SMCO4: variants seen among roughly 807,000 people sequenced by gnomAD.
SMCO4 encodes the protein single-pass membrane and coiled-coil domain-containing protein 4.
SMCO4 carries 4 observed loss-of-function variants against 3.6 expected under a neutral mutation model. That is an observed-to-expected ratio of 1.11 (90% CI 0.54 to 2.53). The LOEUF is 2.53. Ranked by LOEUF, SMCO4 falls within the 30% of genes most tolerant of loss-of-function variation. The probability of loss-of-function intolerance (pLI) is 0.02; values close to 1 mark genes in which losing one functional copy is unlikely to be tolerated. For synonymous variants in SMCO4, 36 were observed against 35.3 expected (o/e 1.02, Z -0.07); for missense variants, 70 against 80.8 (o/e 0.87, Z 0.51).
intron 1 of SMCO4, chr11:93,535,817 A>G: frequency 2.5e-6 from 4 of 1,583,716 alleles, no homozygotes; most frequent in Non-Finnish European, 3.4e-6. Flanking sequence ...ACAGCAGCAC[A>G]GTAAAGGACA....
chr11:93,517,852 G>A (rs561797733), intron 1 of SMCO4, among the ~76,000 whole-genome samples: 1 of 152,334 alleles, frequency 6.6e-6, no homozygotes, highest in South Asian at 2.1e-4. Context: ...CCGCATTGAA[G>A]TACCCTGCTA....
intron 1 of SMCO4, among the ~76,000 whole-genome samples, chr11:93,531,594 T>C (rs1310187672): frequency 6.6e-6 from 1 of 152,234 alleles, no homozygotes; most frequent in East Asian, 1.9e-4. Flanking sequence ...TGCAGAACTC[T>C]AACACAATGA....
At chr11:93,486,347 T>C (rs1490567519) in intron 2 of SMCO4, among the ~76,000 whole-genome samples, 1 of 152,150 alleles carries the variant, frequency 6.6e-6, no homozygotes, top group East Asian at 1.9e-4. Context: ...CTACAAGGCA[T>C]GTGGACCAAT....
rs576465209 is a variant in SMCO4, at chr11:93,522,095, A to G, written c.-154+21181T>C. On this transcript the variant is annotated intron_variant, in intron 1 of 2. Transcript: ENST00000298966. ...TAGCCCCTTTTTGGCACAAACTTTA[A>G]AACAAAACAAAAACAAAATGTCAGG... Among the ~76,000 whole-genome samples the G allele has an allele frequency of 2.6e-4, 15 of 58,018 alleles. No individual in the cohort carries two copies. In the East Asian group the frequency reaches 7.5e-3, roughly 29 times the overall value. The allele number at this position is 58,018 out of a possible 152,430, so 38.1% of individuals were successfully genotyped here.
intron 1 of SMCO4, among the ~76,000 whole-genome samples, chr11:93,523,540 T>A (rs1949079027): frequency 6.6e-6 from 1 of 152,046 alleles, no homozygotes; most frequent in Admixed American, 6.6e-5. Flanking sequence ...ATGCCTGTAG[T>A]CCCAGCTATT....
chr11:93,515,119 A>G (rs1012870137), intron 1 of SMCO4, among the ~76,000 whole-genome samples: 2 of 152,170 alleles, frequency 1.3e-5, no homozygotes, highest in Non-Finnish European at 2.9e-5. Context: ...CAACTCAGAG[A>G]AAGCTTTTTT....
Position 93,512,893 on chromosome 11 carries a change from C to T in SMCO4, c.-153-13545G>A, listed in dbSNP as rs536324283. ...ACTATGGGAGCAGGTCATGAAGGGG[C>T]CTAACTAAGTCTGAAAGGCCAAAGG... On this transcript the variant is annotated intron_variant, in intron 1 of 2. Transcript: ENST00000298966. 7.2e-5 allele frequency among the ~76,000 whole-genome samples: 11 copies of T among 152,186 alleles called. No homozygotes were observed. In the South Asian group the frequency reaches 1.5e-3, roughly 20 times the overall value.
chr11:93,493,074 G>C (rs759954145), intron 2 of SMCO4, among the ~76,000 whole-genome samples: 4 of 152,146 alleles, frequency 2.6e-5, no homozygotes, highest in African/African-American at 9.7e-5. Context: ...ATAAATATTT[G>C]ATCTTTAATT....
upstream of SMCO4, among the ~76,000 whole-genome samples, chr11:93,545,837 G>A (rs751370080): frequency 2.6e-5 from 4 of 152,168 alleles, no homozygotes; most frequent in African/African-American, 9.7e-5. Flanking sequence ...ACAAGCAGGG[G>A]CTTTCGATGT....
chr11:93,534,588 C>T (rs546140211), intron 1 of SMCO4, among the ~76,000 whole-genome samples: 1 of 152,298 alleles, frequency 6.6e-6, no homozygotes, highest in East Asian at 1.9e-4. Flanking sequence ...AAAATAGCTG[C>T]TCAAGGCACA....
intron 2 of SMCO4, among the ~76,000 whole-genome samples, chr11:93,497,028 G>A (rs1207562407): frequency 6.6e-6 from 1 of 152,142 alleles, no homozygotes; most frequent in Non-Finnish European, 1.5e-5. Context: ...ACCAGAGATG[G>A]TGGCCTGTTT....
chr11:93,492,737 G>A (rs577978517), intron 2 of SMCO4, among the ~76,000 whole-genome samples: 1 of 152,314 alleles, frequency 6.6e-6, no homozygotes, highest in East Asian at 1.9e-4. Flanking sequence ...AGGGGCCAGG[G>A]CGACCAGAGC....
chr11:93,492,524 A>G (rs1172814108), intron 2 of SMCO4, among the ~76,000 whole-genome samples: 1 of 152,210 alleles, frequency 6.6e-6, no homozygotes, highest in Non-Finnish European at 1.5e-5. Flanking sequence ...GAAGAAAGAC[A>G]AAAGAGTGTA....
chr11:93,487,405 G>A (rs1230542523), intron 2 of SMCO4, among the ~76,000 whole-genome samples: 1 of 152,200 alleles, frequency 6.6e-6, no homozygotes, highest in African/African-American at 2.4e-5. Context: ...AGGCCACAGG[G>A]GTCAGGAAAG....
intron 1 of SMCO4, 142 bp downstream of exon 1, chr11:93,543,134 T>C (rs1230837220): frequency 6.7e-6 from 1 of 150,058 alleles, no homozygotes; most frequent in Non-Finnish European, 1.5e-5. Flanking sequence ...TCAGCAGCAC[T>C]GCGCGGAGGC....
At chr11:93,535,813 G>A in intron 1 of SMCO4, 2 of 1,613,992 alleles carry the variant, frequency 1.2e-6, no homozygotes, top group East Asian at 2.2e-5. Context: ...AGCAACAGCA[G>A]CACAGTAAAG....
At chr11:93,518,294 T>G (rs1430522868) in intron 1 of SMCO4, among the ~76,000 whole-genome samples, 2 of 152,250 alleles carry the variant, frequency 1.3e-5, no homozygotes, top group African/African-American at 4.8e-5. Flanking sequence ...TCCTTTTTAT[T>G]GCTGAACAAC....
chr11:93,516,309 T>C (rs973549788), intron 1 of SMCO4, among the ~76,000 whole-genome samples: 2 of 152,144 alleles, frequency 1.3e-5, no homozygotes, highest in East Asian at 3.9e-4. Context: ...ATAAAGTAAA[T>C]AGAAATCCTG....
chr11:93,481,615 G>GA (rs930294185), intron 2 of SMCO4: 28 of 723,634 alleles, frequency 3.9e-5, no homozygotes, highest in Non-Finnish European at 4.7e-5. Context: ...GAGCAAAGGG[G>GA]AAAAATGTCT....
Sources: gnomAD v4.1 joint callset for allele counts (sites outside exome capture counted in the v4.1 genomes callset) on GRCh38, gnomAD v4.1.1 for gene constraint, MANE v1.5 for transcripts, NCBI Gene and HGNC (gene_info 2026-07-23, HGNC 2026-07-21) for gene names.